Variants in SPOCK3 observed in about 807,000 individuals in gnomAD.
The protein encoded by SPOCK3 is testican-3.
In SPOCK3, 30 loss-of-function variants were observed where a neutral mutation model predicts 56.6. The observed-to-expected ratio is 0.53, with a 90% confidence interval of 0.40 to 0.72. The LOEUF (loss-of-function observed/expected upper bound fraction) is 0.72, where lower values mean the gene tolerates loss of function less well. SPOCK3 is among the 30% of genes least tolerant of loss of function. SPOCK3 has a pLI of 0.00. For missense variants in SPOCK3, 527 were observed against 530.0 expected (o/e 0.99, Z 0.06); for synonymous variants, 196 against 183.3 (o/e 1.07, Z -0.56).
chr4:167,068,902 T>C (rs1756410840), intron 2 of SPOCK3, among the ~76,000 whole-genome samples: 1 of 151,918 alleles, frequency 6.6e-6, no homozygotes. Context: ...CAAATAAATC[T>C]GAAATGTTGC....
chr4:167,017,447 A>G (rs1264602764), intron 3 of SPOCK3, among the ~76,000 whole-genome samples: 1 of 152,104 alleles, frequency 6.6e-6, no homozygotes, highest in East Asian at 1.9e-4. Context: ...TCCAGACTGA[A>G]GTGATCTTGT....
intron 7 of SPOCK3, among the ~76,000 whole-genome samples, chr4:166,789,068 C>A (rs1232074214): frequency 1.3e-5 from 2 of 151,860 alleles, no homozygotes; most frequent in Non-Finnish European, 2.9e-5. Context: ...TGCCTGAAGA[C>A]ATTCTATATC....
rs190495154 is a variant in SPOCK3, at chr4:167,175,900, C to T, written c.189+58085G>A. The stretch of plus-strand genomic sequence containing the variant: ...TCTGTTTAGTGTATTGTATTAATTT[C>T]CTATTGCTGCTGTAACAACTTACCA... On this transcript the variant is annotated intron_variant, in intron 2 of 10. Transcript: ENST00000357545. Among the ~76,000 whole-genome samples, 79 of 152,194 alleles carry T rather than the reference C, an allele frequency of 5.2e-4. No individual in the cohort carries two copies. In the East Asian group the frequency reaches 0.013, roughly 25 times the overall value.
chr4:167,223,918 A>G (rs2111128580), intron 2 of SPOCK3, among the ~76,000 whole-genome samples: 1 of 152,244 alleles, frequency 6.6e-6, no homozygotes, highest in East Asian at 1.9e-4. Context: ...TAAAATTTTT[A>G]GTACTTACCT....
At chr4:166,847,681 A>ATATATATATATATATATATATATAT (rs1560926812) in intron 6 of SPOCK3, among the ~76,000 whole-genome samples, 35 of 91,220 alleles carry the variant, frequency 3.8e-4, no homozygotes, top group East Asian at 1.2e-3. Context: ...ATATATATAT[A>ATATATATATATATATATATATATAT]AGAATCATGT....
At chr4:166,985,445 C>A (rs1446139840) in intron 4 of SPOCK3, among the ~76,000 whole-genome samples, 1 of 152,060 alleles carries the variant, frequency 6.6e-6, no homozygotes, top group Non-Finnish European at 1.5e-5. Flanking sequence ...AGTTATAGTG[C>A]ACATCTCCCT....
chr4:167,162,775 A>T (rs895124321), intron 2 of SPOCK3, among the ~76,000 whole-genome samples: 12 of 152,048 alleles, frequency 7.9e-5, no homozygotes, highest in African/African-American at 2.6e-4. Context: ...ACTTTTTTTT[A>T]TATGATTTTA....
At chr4:166,740,842 A>G (rs1415934103) in intron 9 of SPOCK3, among the ~76,000 whole-genome samples, 1 of 152,088 alleles carries the variant, frequency 6.6e-6, no homozygotes, top group African/African-American at 2.4e-5. Context: ...TATTATTTTC[A>G]TTTGTGAGCT....
At chr4:167,137,234 T>C (rs951171087) in intron 2 of SPOCK3, among the ~76,000 whole-genome samples, 2 of 151,962 alleles carry the variant, frequency 1.3e-5, no homozygotes, top group African/African-American at 4.8e-5. Context: ...AATAAATAAG[T>C]AGATAAATTG....
chr4:166,741,329 C>T (rs1734824012), intron 9 of SPOCK3, among the ~76,000 whole-genome samples: 1 of 152,114 alleles, frequency 6.6e-6, no homozygotes, highest in African/African-American at 2.4e-5. Context: ...TTAGTGGAAG[C>T]TGGGTGAAGA....
In SPOCK3 at chr4:166,843,540, A is replaced by G. The variant is rs188581073; in HGVS notation, c.589+45590T>C. On this transcript the variant is annotated intron_variant, in intron 6 of 10. Coordinates refer to ENST00000357545, the MANE Select transcript of SPOCK3 (RefSeq NM_001040159.2). ...AAATTATCTTACTCGTCTTGAAAAA[A>G]TAAGCCACCATGAATCTTGTAGTTT... 1.2e-4 allele frequency among the ~76,000 whole-genome samples: 18 copies of G among 152,330 alleles called. No homozygotes were observed. In the East Asian group the frequency reaches 3.3e-3, roughly 28 times the overall value.
intron 3 of SPOCK3, among the ~76,000 whole-genome samples, chr4:167,047,135 T>C (rs912587988): frequency 2.0e-5 from 3 of 152,136 alleles, no homozygotes; most frequent in Non-Finnish European, 4.4e-5. Flanking sequence ...ATAAGTATAG[T>C]GAATTTAAAA....
chr4:166,950,628 A>G (rs1742465508), intron 4 of SPOCK3, among the ~76,000 whole-genome samples: 1 of 150,786 alleles, frequency 6.6e-6, no homozygotes, highest in Non-Finnish European at 1.5e-5. Context: ...TCAACAGAAT[A>G]TACATTTTTT....
At chr4:166,991,967 GAACT>G (rs1232108729) in intron 4 of SPOCK3, among the ~76,000 whole-genome samples, 2 of 152,010 alleles carry the variant, frequency 1.3e-5, no homozygotes, top group Admixed American at 6.6e-5. Context: ...AGAAAAAGTA[GAACT>G]AACCCTAATG....
intron 2 of SPOCK3, among the ~76,000 whole-genome samples, chr4:167,095,663 G>C (rs1759087451): frequency 6.6e-6 from 1 of 151,710 alleles, no homozygotes; most frequent in Non-Finnish European, 1.5e-5. Context: ...TAAACAAATA[G>C]TATGAAGGAC....
At chr4:166,826,258 T>A (rs1745466190) in intron 6 of SPOCK3, among the ~76,000 whole-genome samples, 1 of 152,156 alleles carries the variant, frequency 6.6e-6, no homozygotes, top group Non-Finnish European at 1.5e-5. Flanking sequence ...CTGTGTGTTA[T>A]CGTATGTCAT....
At chr4:166,804,049 T>G (rs547487007) in intron 6 of SPOCK3, among the ~76,000 whole-genome samples, 139 of 152,202 alleles carry the variant, frequency 9.1e-4, no homozygotes, top group African/African-American at 1.9e-3. Context: ...GTTCGAAGAC[T>G]TTTTTTATTG....
chr4:166,764,551 C>T (rs7694887), intron 7 of SPOCK3, among the ~76,000 whole-genome samples: 122,505 of 152,056 alleles, frequency 0.81, 49,595 homozygotes, highest in African/African-American at 0.84. Context: ...TAGTATTCCA[C>T]GGTGTATATG....
intron 6 of SPOCK3, among the ~76,000 whole-genome samples, chr4:166,866,878 A>G (rs1018033504): frequency 2.0e-5 from 3 of 152,070 alleles, no homozygotes; most frequent in Admixed American, 6.6e-5. Context: ...TGTCCGTGTT[A>G]TTTCTAGGTT....
Sources: allele counts gnomAD v4.1 joint callset (sites outside exome capture counted in the v4.1 genomes callset), GRCh38; gene constraint gnomAD v4.1.1; transcripts MANE v1.5; gene names NCBI Gene and HGNC (gene_info 2026-07-23, HGNC 2026-07-21).